The following COMMD10 variants were observed in gnomAD, a reference collection of about 807,000 sequenced individuals.
COMMD10 encodes COMM domain containing 10.
COMMD10 carries 33 observed loss-of-function variants against 28.9 expected under a neutral mutation model. The observed-to-expected ratio is 1.14, with a 90% confidence interval of 0.87 to 1.53. COMMD10 has a LOEUF of 1.53. Among genes scored for constraint, COMMD10 ranks in the 40% most tolerant of loss-of-function variants. The pLI is 0.00. For missense variants in COMMD10, 310 were observed against 233.4 expected (o/e 1.33, Z -2.14); for synonymous variants, 110 against 81.7 (o/e 1.35, Z -1.87).
intron 5 of COMMD10, among the ~76,000 whole-genome samples, chr5:116,198,808 C>G (rs971033249): frequency 2.0e-4 from 30 of 152,020 alleles, no homozygotes; most frequent in Non-Finnish European, 2.9e-5. Context: ...ATTTTTAGTA[C>G]TAAATAATCT....
chr5:116,180,440 A>G (rs1194481082), intron 5 of COMMD10, among the ~76,000 whole-genome samples: 4 of 151,972 alleles, frequency 2.6e-5, no homozygotes, highest in Admixed American at 2.6e-4. Context: ...AGAAGTGGGT[A>G]TTTTTTCTAA....
At chr5:116,088,214 C>T (rs906832428) in intron 2 of COMMD10, among the ~76,000 whole-genome samples, 2 of 152,174 alleles carry the variant, frequency 1.3e-5, no homozygotes, top group African/African-American at 4.8e-5. Flanking sequence ...TATCACCATC[C>T]ATTGAGAACC....
At chr5:116,265,111 A>T (rs1383253214) in intron 5 of COMMD10, among the ~76,000 whole-genome samples, 1 of 151,792 alleles carries the variant, frequency 6.6e-6, no homozygotes, top group Non-Finnish European at 1.5e-5. Flanking sequence ...ATTTTGCATT[A>T]TTGGTGGTCT....
rs527553759 is a variant in COMMD10, at chr5:116,187,675, A to G, written c.510+53497A>G. Among the ~76,000 whole-genome samples, 13 of 152,220 alleles carry G rather than the reference A, an allele frequency of 8.5e-5. No homozygotes were observed. In the South Asian group the frequency reaches 1.9e-3, roughly 22 times the overall value. On this transcript the variant is annotated intron_variant, in intron 5 of 6. Coordinates refer to ENST00000274458, the MANE Select transcript of COMMD10 (RefSeq NM_016144.4). ...TAGTATATTCTAATTTAAATATCCAACGGAAATTTGGAAATGAATATAGTT... is the reference window on the plus strand; with the variant it reads ...TAGTATATTCTAATTTAAATATCCAGCGGAAATTTGGAAATGAATATAGTT...
chr5:116,135,334 GT>G (rs1751995691), intron 5 of COMMD10, among the ~76,000 whole-genome samples: 1 of 152,134 alleles, frequency 6.6e-6, no homozygotes, highest in Non-Finnish European at 1.5e-5. Flanking sequence ...TATTATGCAG[GT>G]TTCTGGCTTC....
intron 4 of COMMD10, among the ~76,000 whole-genome samples, chr5:116,130,753 C>T (rs1273554769): frequency 3.3e-5 from 5 of 152,026 alleles, no homozygotes; most frequent in African/African-American, 1.2e-4. Flanking sequence ...TCTTGATTAA[C>T]ATGAGGTTTG....
intron 5 of COMMD10, among the ~76,000 whole-genome samples, chr5:116,266,239 G>C (rs116286357): frequency 0.022 from 3,296 of 151,706 alleles, 168 homozygotes; most frequent in African/African-American, 0.075. Context: ...TACCTATGCA[G>C]ACCTTTGAAT....
intron 5 of COMMD10, among the ~76,000 whole-genome samples, chr5:116,146,627 A>C (rs1283968733): frequency 1.3e-5 from 2 of 151,928 alleles, no homozygotes; most frequent in East Asian, 3.9e-4. Flanking sequence ...AGTTTAAATA[A>C]GATTTTAAGC....
At chr5:116,146,153 T>C (rs543097831) in intron 5 of COMMD10, among the ~76,000 whole-genome samples, 4 of 151,962 alleles carry the variant, frequency 2.6e-5, no homozygotes, top group African/African-American at 9.6e-5. Flanking sequence ...TGAAAGCTGG[T>C]CTTTTGCGAA....
rs148131526 is a variant in COMMD10 at position 116,171,845 on chromosome 5, G to A, written c.510+37667G>A. 9.9e-3 allele frequency among the ~76,000 whole-genome samples: 1,504 copies of A among 152,236 alleles called. 29 individuals carry two copies. The highest frequency in any genetic ancestry group is 0.035 in the African/African-American group (1,445 of 41,538). Reference sequence around the variant, plus strand: ...GCCTGTCACGGGTGTGGGGCTAGGGGAGGGATAACATTAGGAGAAATACCT... The same window carrying A: ...GCCTGTCACGGGTGTGGGGCTAGGGAAGGGATAACATTAGGAGAAATACCT... On this transcript the variant is annotated intron_variant, in intron 5 of 6. Transcript: ENST00000274458.
At chr5:116,243,282 A>G (rs1370478399) in intron 5 of COMMD10, among the ~76,000 whole-genome samples, 1 of 152,160 alleles carries the variant, frequency 6.6e-6, no homozygotes, top group African/African-American at 2.4e-5. Flanking sequence ...AGACTGACTC[A>G]ATTTGCATTA....
At chr5:116,087,058 A>G (rs1750126982) in intron 1 of COMMD10, among the ~76,000 whole-genome samples, 1 of 152,230 alleles carries the variant, frequency 6.6e-6, no homozygotes, top group African/African-American at 2.4e-5. Context: ...TAGTGACCCC[A>G]GATGATTTTG....
chr5:116,085,110 G>A lies in COMMD10; in HGVS notation c.41+17G>A, dbSNP rs1750044493. The A allele has an allele frequency of 6.2e-7, 1 of 1,606,726 alleles. No homozygotes were observed. The highest frequency in any genetic ancestry group is 1.1e-5 in the South Asian group (1 of 89,712). On this transcript the variant is annotated intron_variant, in intron 1 of 6. Transcript: ENST00000274458. Reference sequence around the variant, plus strand: ...GAGCCCCAGGTAGCTGATCCGTTAAGCTCTTGCGGTAGCCGCGCCCAGGAA... The same window carrying A: ...GAGCCCCAGGTAGCTGATCCGTTAAACTCTTGCGGTAGCCGCGCCCAGGAA...
intron 5 of COMMD10, among the ~76,000 whole-genome samples, chr5:116,148,837 T>C (rs1241560576): frequency 6.7e-6 from 1 of 149,528 alleles, no homozygotes; most frequent in African/African-American, 2.5e-5. Context: ...TTTGTATTTG[T>C]TTTTTTGTAT....
At chr5:116,206,475 AC>A (rs1233461329) in intron 5 of COMMD10, among the ~76,000 whole-genome samples, 1 of 152,130 alleles carries the variant, frequency 6.6e-6, no homozygotes, top group Non-Finnish European at 1.5e-5. Context: ...ACATGGTGAA[AC>A]CCAGTTTCCA....
intron 5 of COMMD10, among the ~76,000 whole-genome samples, chr5:116,171,046 GAC>G (rs1443020192): frequency 6.6e-6 from 1 of 152,164 alleles, no homozygotes; most frequent in Non-Finnish European, 1.5e-5. Context: ...AGAGTGAAAA[GAC>G]TAGCTACAGA....
chr5:116,188,259 T>C lies in COMMD10; in HGVS notation c.510+54081T>C, dbSNP rs79848070. 7.2e-3 allele frequency among the ~76,000 whole-genome samples: 1,098 copies of C among 152,278 alleles called. 6 individuals carry two copies. The highest frequency in any genetic ancestry group is 0.011 in the Admixed American group (167 of 15,294). On this transcript the variant is annotated intron_variant, in intron 5 of 6. Transcript: ENST00000274458. ...TCTTAGGTTTATTGTTTTTGCCTTA[T>C]CAAGTCCACTTGACTTAAAGTATGT...
chr5:116,142,846 T>C (rs1181712775), intron 5 of COMMD10, among the ~76,000 whole-genome samples: 3 of 151,690 alleles, frequency 2.0e-5, no homozygotes, highest in Non-Finnish European at 3.0e-5. Flanking sequence ...ATAACTCTTA[T>C]GTGTTAGATA....
chr5:116,284,890 CT>C (rs112670560), intron 5 of COMMD10, among the ~76,000 whole-genome samples: 53 of 152,026 alleles, frequency 3.5e-4, no homozygotes, highest in African/African-American at 1.3e-3. Flanking sequence ...TTTCATTGAA[CT>C]TAATGCATTT....
Sources: allele counts gnomAD v4.1 joint callset (sites outside exome capture counted in the v4.1 genomes callset), GRCh38; gene constraint gnomAD v4.1.1; transcripts MANE v1.5; gene names NCBI Gene and HGNC (gene_info 2026-07-23, HGNC 2026-07-21).